The following TRIM66 variants were observed in gnomAD, a reference collection of about 807,000 sequenced individuals.
The protein encoded by TRIM66 is tripartite motif-containing protein 66.
In TRIM66, 99 loss-of-function variants were observed where a neutral mutation model predicts 148.2. The observed-to-expected ratio is 0.67, with a 90% CI of 0.57 to 0.79. The LOEUF (loss-of-function observed/expected upper bound fraction) is 0.79, where lower values mean the gene tolerates loss of function less well. TRIM66 is among the 30% of genes least tolerant of loss of function. The pLI, the probability that TRIM66 is intolerant of heterozygous loss-of-function variation, is 0.00. For missense variants in TRIM66, 1,666 were observed against 1,697.9 expected (o/e 0.98, Z 0.33); for synonymous variants, 616 against 635.9 (o/e 0.97, Z 0.47).
Position 8,671,802 on chromosome 11 carries a change from A to T in TRIM66, c.324T>A (p.His108Gln). ...IQELGQIAKA[H>Q]ETVADELISC... ...TGTACTTACCATCTGCAACAGTCTC[A>T]TGAGCCTTGGCAATCTGCCCTAGCT... The change falls in exon 6 of 25, where the codon CAT becomes CAA. Residue 108 changes from histidine to glutamine, a missense_variant. His to Gln is a conservative substitution (Grantham distance 24). Coordinates refer to ENST00000646038, the MANE Select transcript of TRIM66 (RefSeq NM_001388022.1). 1.4e-6 allele frequency: 2 copies of T among 1,439,060 alleles called. No individual in the cohort carries two copies. The highest frequency in any genetic ancestry group is 2.4e-5 in the South Asian group (2 of 82,186). 89.1% of individuals were successfully genotyped at this position (1,439,060 alleles called of 1,614,324 possible).
intron 13 of TRIM66, among the ~76,000 whole-genome samples, chr11:8,641,635 A>C (rs1378703239): frequency 1.3e-5 from 2 of 152,136 alleles, no homozygotes; most frequent in Non-Finnish European, 2.9e-5. Flanking sequence ...AGAGTGGGGA[A>C]GCTCTAATAC....
At chr11:8,652,312 G>A (rs532680982) in intron 6 of TRIM66, among the ~76,000 whole-genome samples, 43 of 152,156 alleles carry the variant, frequency 2.8e-4, no homozygotes, top group Admixed American at 8.5e-4. Context: ...ACAGTTCCAG[G>A]TCATTAAGGT....
chr11:8,682,467 G>C (rs981540340), intron 1 of TRIM66, 134 bp downstream of exon 1: 1 of 406,702 alleles, frequency 2.5e-6, no homozygotes, highest in Non-Finnish European at 4.5e-6. Context: ...CTTAGGGTCG[G>C]CTTAGGCGGT....
chr11:8,664,196 T>C (rs1192525997), intron 6 of TRIM66, among the ~76,000 whole-genome samples: 4 of 152,250 alleles, frequency 2.6e-5, no homozygotes, highest in Admixed American at 6.5e-5. Context: ...GATTTAGTCA[T>C]TCTGCAACGT....
intron 3 of TRIM66, among the ~76,000 whole-genome samples, chr11:8,677,454 G>C (rs937917278): frequency 6.6e-6 from 1 of 152,078 alleles, no homozygotes; most frequent in Admixed American, 6.6e-5. Flanking sequence ...AAGAGAACAT[G>C]CTATTTGTTC....
Position 8,617,653 on chromosome 11 carries a change from T to C in TRIM66, c.*291A>G, listed in dbSNP as rs4929923. 0.59 allele frequency: 225,204 copies of C among 379,642 alleles called. 68,232 individuals are homozygous for C. Among genetic ancestry groups the C allele is most frequent in the Non-Finnish European group, 0.63 (133,770 of 212,826 alleles). 23.5% of individuals were successfully genotyped at this position (379,642 alleles called of 1,614,324 possible). ...AAAAAATTCACCAAGGAAAGTAGGT[T>C]TTCCCGAGCCTAACCAGGTGTGGTC... On this transcript the variant is annotated 3_prime_UTR_variant, in exon 25 of 25. Coordinates refer to ENST00000646038, the MANE Select transcript of TRIM66 (RefSeq NM_001388022.1).
intron 13 of TRIM66, 147 bp from the exon 14 acceptor site, chr11:8,641,299 C>T (rs764697419): frequency 8.1e-6 from 6 of 743,974 alleles, no homozygotes; most frequent in Non-Finnish European, 1.3e-5. Flanking sequence ...CTCCTAGACT[C>T]GGTCTAGAAT....
At chr11:8,653,672 T>C (rs927140031) in intron 6 of TRIM66, among the ~76,000 whole-genome samples, 1 of 152,002 alleles carries the variant, frequency 6.6e-6, no homozygotes, top group East Asian at 1.9e-4. Context: ...TTAGTTGTTT[T>C]AAGCACAAAG....
chr11:8,680,802 A>G (rs1261812040), intron 1 of TRIM66: 1 of 152,310 alleles, frequency 6.6e-6, no homozygotes, highest in Non-Finnish European at 1.5e-5. Flanking sequence ...GCTGAGGAAC[A>G]TCAACATTCA....
intron 6 of TRIM66, among the ~76,000 whole-genome samples, chr11:8,663,689 G>A (rs1283314208): frequency 6.6e-6 from 1 of 152,034 alleles, no homozygotes; most frequent in Non-Finnish European, 1.5e-5. Context: ...GCACTCCCAT[G>A]TTCATTGCTG....
chr11:8,638,674 A>C lies in TRIM66; in HGVS notation c.2290T>G (p.Ser764Ala). ...PPVDSTIQHS[S>A]PNVVRKHSTS... ...AGTACCTTTCTCACCACATTTGGAG[A>C]GGAGTGCTGGATGGTGCTGTCCACT... The change falls in exon 15 of 25, where the codon TCT becomes GCT. Residue 764 changes from serine to alanine, a missense_variant. Physicochemically the swap from Ser to Ala is moderately conservative, Grantham distance 99. Around this residue, in one of 3 missense-constraint regions of TRIM66, gnomAD observed 1,431 missense variants for 1,412.4 expected, o/e 1.01. Transcript: ENST00000646038. 4 of 1,548,398 alleles carry C rather than the reference A, an allele frequency of 2.6e-6. No individual in the cohort carries two copies. The highest frequency in any genetic ancestry group is 3.5e-6 in the Non-Finnish European group (4 of 1,146,006).
intron 13 of TRIM66, among the ~76,000 whole-genome samples, chr11:8,642,578 C>G (rs371386840): frequency 6.6e-6 from 1 of 152,278 alleles, no homozygotes; most frequent in South Asian, 2.1e-4. Context: ...GTGACACAAA[C>G]ATGCACACGC....
At chr11:8,626,133 AT>A (rs940640206) in intron 15 of TRIM66, among the ~76,000 whole-genome samples, 7 of 152,196 alleles carry the variant, frequency 4.6e-5, no homozygotes, top group African/African-American at 1.7e-4. Flanking sequence ...AATCCATTCC[AT>A]TTTTCAGATT....
intron 24 of TRIM66, 107 bp from the exon 25 acceptor site, chr11:8,618,110 C>G: frequency 1.8e-6 from 2 of 1,101,266 alleles, no homozygotes; most frequent in Admixed American, 4.0e-5. Flanking sequence ...GTATTTTATT[C>G]TACCCTAGGA....
At chr11:8,621,354 C>A in intron 19 of TRIM66, 33 bp from the exon 20 acceptor site, 1 of 1,535,404 alleles carries the variant, frequency 6.5e-7, no homozygotes, top group Non-Finnish European at 8.8e-7. Flanking sequence ...GCAGCCAGAG[C>A]ACAGAACCAA....
intron 17 of TRIM66, 35 bp downstream of exon 17, chr11:8,624,324 T>C (rs1272230839): frequency 6.5e-7 from 1 of 1,544,376 alleles, no homozygotes; most frequent in Admixed American, 2.0e-5. Flanking sequence ...CTCAAGTCTG[T>C]GGCCAACATG....
intron 6 of TRIM66, among the ~76,000 whole-genome samples, chr11:8,656,603 G>A (rs2037852195): frequency 6.6e-6 from 1 of 152,222 alleles, no homozygotes; most frequent in South Asian, 2.1e-4. Context: ...CTTGAGAGGT[G>A]TGGGATAAAT....
chr11:8,640,713 C>T lies in TRIM66; in HGVS notation c.1662G>A (p.Gln554=). Residue 554 remains glutamine, a synonymous_variant, in exon 14 of 25, where the codon CAG becomes CAA. Coordinates refer to ENST00000646038, the MANE Select transcript of TRIM66 (RefSeq NM_001388022.1). ...SQRLGQQLTS[Q]PVCIVPPQDV... Reference sequence around the variant, plus strand: ...CCTGTGGGGGGACAATGCACACGGGCTGGGAAGTCAGCTGCTGCCCCAGCC... The same window carrying T: ...CCTGTGGGGGGACAATGCACACGGGTTGGGAAGTCAGCTGCTGCCCCAGCC... 4 of 1,551,512 alleles carry T rather than the reference C, an allele frequency of 2.6e-6. No individual in the cohort carries two copies. The highest frequency in any genetic ancestry group is 3.5e-6 in the Non-Finnish European group (4 of 1,146,974).
intron 13 of TRIM66, 35 bp from the exon 14 acceptor site, chr11:8,641,187 T>C (rs186289018): frequency 4.0e-6 from 6 of 1,518,116 alleles, no homozygotes; most frequent in Middle Eastern, 3.5e-4. Flanking sequence ...TTCAAAAGTT[T>C]TTCAAGTTGC....
Sources: allele counts gnomAD v4.1 joint callset (sites outside exome capture counted in the v4.1 genomes callset), GRCh38; gene constraint gnomAD v4.1.1; regional missense constraint gnomAD v4.1.1; transcripts MANE v1.5; gene names NCBI Gene and HGNC (gene_info 2026-07-23, HGNC 2026-07-21).